The following KDM5C variants were observed in gnomAD, a reference collection of about 807,000 sequenced individuals.
KDM5C encodes the protein lysine-specific demethylase 5C.
Under a neutral mutation model 110.6 loss-of-function variants are expected in KDM5C, and 16 were observed. The ratio of observed to expected loss-of-function variants is 0.14; its 90% CI spans 0.10 to 0.22. The LOEUF (loss-of-function observed/expected upper bound fraction) is 0.22, where lower values mean the gene tolerates loss of function less well. Ranked by LOEUF, KDM5C falls within the 10% of genes least tolerant of loss-of-function variation. The probability of loss-of-function intolerance (pLI) is 1.00; values close to 1 mark genes in which losing one functional copy is unlikely to be tolerated. For synonymous variants in KDM5C, 511 were observed against 520.4 expected (o/e 0.98, Z 0.24); for missense variants, 681 against 1,300.9 (o/e 0.52, Z 7.33).
intron 1 of KDM5C, among the ~76,000 whole-genome samples, chrX:53,221,356 C>T (rs1015267357): frequency 9.0e-6 from 1 of 111,554 alleles, no homozygotes; most frequent in South Asian, 3.7e-4. Context: ...GTTCTAGATC[C>T]GCTACTTACT....
Position 53,192,865 on chromosome X carries a change from C to CA in KDM5C, c.*101_*102insT, listed in dbSNP as rs782003345. 5 of 798,188 alleles carry CA rather than the reference C, an allele frequency of 6.3e-6. No individual in the cohort carries two copies. Among genetic ancestry groups the CA allele is most frequent in the East Asian group, 4.0e-5 (1 of 24,717 alleles). The allele number at this position is 798,188 out of a possible 1,213,427, so 65.8% of individuals were successfully genotyped here. ...GGGCGGGTAGCAGGGATGGCCACCC[C>CA]CCTACCCGCCCACCCCCCAAGAAGC... is the stretch of plus-strand genomic sequence containing the variant. On this transcript the variant is annotated 3_prime_UTR_variant, in exon 26 of 26. Transcript: ENST00000375401.
intron 5 of KDM5C, among the ~76,000 whole-genome samples, chrX:53,216,572 G>A (rs1556852022): frequency 2.7e-5 from 3 of 112,095 alleles, no homozygotes; most frequent in African/African-American, 6.5e-5. Context: ...TGAGCCCAGG[G>A]ACAGTGTCCA....
Position 53,224,999 on chromosome X carries a change from C to G in KDM5C, c.-110G>C. 3 of 967,872 alleles carry G rather than the reference C, an allele frequency of 3.1e-6. No homozygotes were observed. The highest frequency in any genetic ancestry group is 4.1e-6 in the Non-Finnish European group (3 of 735,915). 79.8% of individuals were successfully genotyped at this position (967,872 alleles called of 1,213,427 possible). On this transcript the variant is annotated 5_prime_UTR_variant, in exon 1 of 26. Coordinates refer to ENST00000375401, the MANE Select transcript of KDM5C (RefSeq NM_004187.5). ...CAATGCTCGGAGGCTAGGCCCTAAG[C>G]GGGGCAGCCGCCGCCCGCCGAGGGC... is the stretch of plus-strand genomic sequence containing the variant.
At chrX:53,216,808 C>T (rs1366146031) in intron 5 of KDM5C, among the ~76,000 whole-genome samples, 3 of 111,887 alleles carry the variant, frequency 2.7e-5, no homozygotes, top group Non-Finnish European at 5.6e-5. Context: ...ATAGCAAGAC[C>T]CTATGCCTCA....
At position 53,210,668 on chromosome X, in the gene KDM5C, C is replaced by G; in HGVS notation, c.1583+8G>C. 1 of 1,210,293 alleles carries G rather than the reference C, an allele frequency of 8.3e-7. No homozygotes were observed. The highest frequency in any genetic ancestry group is 1.1e-6 in the Non-Finnish European group (1 of 894,334). ...CTTGATTCCCTGGCTCCCCAGGGTCCCACTCACCAGTGGAGGTAGTTAATG... is the reference window on the plus strand; with the variant it reads ...CTTGATTCCCTGGCTCCCCAGGGTCGCACTCACCAGTGGAGGTAGTTAATG... On this transcript the variant is annotated splice_region_variant and intron_variant, in intron 11 of 25. Coordinates refer to ENST00000375401, the MANE Select transcript of KDM5C (RefSeq NM_004187.5).
chrX:53,193,199 C>A lies in KDM5C; in HGVS notation c.4451G>T (p.Ser1484Ile). The stretch of plus-strand genomic sequence containing the variant: ...GACCTCCTCAGCCTCTGGCCCTGAG[C>A]TCCGTACCCTCTTTGGCTCTAGCTC... Reference protein sequence around the residue: ...REELEPKRVRSSGPEAEEVQE... With the variant: ...REELEPKRVRISGPEAEEVQE... Residue 1484 changes from serine (S) to isoleucine (I), a missense_variant, in exon 26 of 26, where the codon AGC becomes ATC. This residue lies in a region of KDM5C where 115 missense variants were observed against 120.9 expected (regional missense o/e 0.95). Coordinates refer to ENST00000375401, the MANE Select transcript of KDM5C (RefSeq NM_004187.5). 8.3e-7 allele frequency: 1 copy of A among 1,210,403 alleles called. No individual in the cohort carries two copies.
At chrX:53,201,204 T>A in intron 14 of KDM5C, 1 of 260,440 alleles carries the variant, frequency 3.8e-6, no homozygotes, top group Non-Finnish European at 7.0e-6. Context: ...AGGTTTCATA[T>A]GCCAGTCTAT....
rs1556849167 is a variant in KDM5C at position 53,211,896 on chromosome X, C to T, written c.1133G>A (p.Arg378Gln). 3.3e-6 allele frequency: 4 copies of T among 1,209,002 alleles called. No homozygotes were observed. The highest frequency in any genetic ancestry group is 3.0e-5 in the East Asian group (1 of 33,771). The part of the protein sequence containing the change: ...CPKCVMAECK[R>Q]PPEAFGFEQA... ...CTCAAAGCCAAAGGCTTCTGGGGGC[C>T]GCTTACACTCCTGAAACCCAAAGGA... The change falls in exon 9 of 26, where the codon CGG becomes CAG. Residue 378 changes from arginine (R) to glutamine (Q), a missense_variant. Coordinates refer to ENST00000375401, the MANE Select transcript of KDM5C (RefSeq NM_004187.5).
At chrX:53,176,809 G>A (rs1050538044) in intron 25 of KDM5C, among the ~76,000 whole-genome samples, 2 of 111,981 alleles carry the variant, frequency 1.8e-5, no homozygotes, top group Non-Finnish European at 3.8e-5. Flanking sequence ...CATACTGTAC[G>A]ACTCTATGAT....
intron 25 of KDM5C, among the ~76,000 whole-genome samples, chrX:53,178,713 A>G (rs914355045): frequency 1.8e-5 from 2 of 112,772 alleles, no homozygotes; most frequent in African/African-American, 3.2e-5. Context: ...GGGTATGGCA[A>G]TAACTTTTTA....
downstream of KDM5C, among the ~76,000 whole-genome samples, chrX:53,189,772 A>G (rs1260465102): frequency 8.9e-6 from 1 of 112,849 alleles, no homozygotes; most frequent in East Asian, 2.8e-4. Flanking sequence ...GTGGAGACAG[A>G]CTGAGGCCTG....
chrX:53,185,011 A>G (rs182097044), intron 25 of KDM5C, among the ~76,000 whole-genome samples: 19 of 112,518 alleles, frequency 1.7e-4, no homozygotes, highest in Non-Finnish European at 9.4e-5. Flanking sequence ...TAGGGCAATA[A>G]GAATGTTGGA....
chrX:53,217,997 G>A (rs782265130), intron 3 of KDM5C, 31 bp from the exon 4 acceptor site: 1 of 1,193,721 alleles, frequency 8.4e-7, no homozygotes, highest in Non-Finnish European at 1.1e-6. Flanking sequence ...AGACATGGAT[G>A]TGCCACGTGT....
At chrX:53,182,695 T>C (rs1449100491) in intron 25 of KDM5C, among the ~76,000 whole-genome samples, 2 of 113,126 alleles carry the variant, frequency 1.8e-5, no homozygotes, top group African/African-American at 3.2e-5. Flanking sequence ...ATTGAATTGC[T>C]TGTCTTTTTG....
intron 12 of KDM5C, among the ~76,000 whole-genome samples, chrX:53,208,144 T>C (rs1190265180): frequency 3.7e-5 from 4 of 107,782 alleles, no homozygotes; most frequent in Non-Finnish European, 7.7e-5. Context: ...AACATAAAAA[T>C]CACAGATACT....
chrX:53,213,456 G>C (rs2073640579), intron 8 of KDM5C, among the ~76,000 whole-genome samples: 1 of 112,209 alleles, frequency 8.9e-6, no homozygotes, highest in Non-Finnish European at 1.9e-5. Context: ...CAGAAATCCA[G>C]AGGGAAATGT....
At chrX:53,203,575 CAT>C (rs2073218479) in intron 12 of KDM5C, among the ~76,000 whole-genome samples, 1 of 111,583 alleles carries the variant, frequency 9.0e-6, no homozygotes, top group African/African-American at 3.3e-5. Flanking sequence ...AAGTGGAAAA[CAT>C]ACACTTTTTA....
intron 9 of KDM5C, 34 bp downstream of exon 9, chrX:53,211,753 T>C (rs2073568010): frequency 8.3e-7 from 1 of 1,211,133 alleles, no homozygotes. Context: ...CCTATGATCC[T>C]AGCCCAACAC....
intron 1 of KDM5C, chrX:53,221,930 C>T: frequency 7.1e-6 from 2 of 281,876 alleles, no homozygotes; most frequent in East Asian, 1.0e-4. Flanking sequence ...CCCTCTCCAA[C>T]ACCCCTTTCC....
Sources: gnomAD v4.1 joint callset for allele counts (sites outside exome capture counted in the v4.1 genomes callset) on GRCh38, gnomAD v4.1.1 for gene constraint, gnomAD v4.1.1 regional missense constraint, MANE v1.5 for transcripts, NCBI Gene and HGNC (gene_info 2026-07-23, HGNC 2026-07-21) for gene names.